LRFN2: variants seen among roughly 807,000 people sequenced by gnomAD.
LRFN2 encodes the protein leucine-rich repeat and fibronectin type-III domain-containing protein 2.
In LRFN2, 18 loss-of-function variants were observed where a neutral mutation model predicts 37.3. That is an observed-to-expected ratio of 0.48 (90% CI 0.33 to 0.72). LRFN2 has a LOEUF of 0.72. LRFN2 is among the 30% of genes least tolerant of loss of function. The probability of loss-of-function intolerance (pLI) is 0.02; values close to 1 mark genes in which losing one functional copy is unlikely to be tolerated. For missense variants in LRFN2, 1,006 were observed against 1,060.7 expected, an observed-to-expected ratio of 0.95 and a Z score of 0.72; for synonymous variants, 556 against 466.6, an observed-to-expected ratio of 1.19 and a Z score of -2.47.
intron 1 of LRFN2, among the ~76,000 whole-genome samples, chr6:40,446,522 T>A (rs1420975169): frequency 6.6e-6 from 1 of 152,208 alleles, no homozygotes; most frequent in African/African-American, 2.4e-5. Flanking sequence ...ACAGCTGCTG[T>A]GTGCTGTGTT....
At chr6:40,425,194 C>T (rs1335225253) in intron 2 of LRFN2, among the ~76,000 whole-genome samples, 1 of 152,180 alleles carries the variant, frequency 6.6e-6, no homozygotes, top group African/African-American at 2.4e-5. Flanking sequence ...TAGGGCGCGA[C>T]AGGGGCTGGG....
Position 40,392,585 on chromosome 6 carries a change from G to A in LRFN2, c.1728C>T (p.Tyr576=), listed in dbSNP as rs1233403984. 6 of 1,608,008 alleles carry A rather than the reference G, an allele frequency of 3.7e-6. No individual in the cohort carries two copies. The highest frequency in any genetic ancestry group is 4.2e-6 in the Non-Finnish European group (5 of 1,179,844). Residue 576 remains tyrosine (Y), a synonymous_variant, in exon 3 of 3, where the codon TAC becomes TAT. Coordinates refer to ENST00000338305, the MANE Select transcript of LRFN2 (RefSeq NM_020737.3). The surrounding 1 kb of genome is among the most constrained non-coding windows in gnomAD (Gnocchi z 4.7). ...GTGGCTGGGCGCCGTTGGTCTGCGA[G>A]TACACATTGCTCACGGCCGCTGCCA... ...SKMAAAVSNV[Y]SQTNGAQPPP... is the part of the protein sequence containing the mutation.
In LRFN2 at chr6:40,495,725, T is replaced by G. The variant is rs183243010; in HGVS notation, c.-18-62594A>C. On this transcript the variant is annotated intron_variant, in intron 1 of 2. Coordinates refer to ENST00000338305, the MANE Select transcript of LRFN2 (RefSeq NM_020737.3). ...TGGGTTGTTCCTTTCCAGCCTCCTTTGCCAGCTCCCAGGCCTCTCATTGTC... is the reference window on the plus strand; with the variant it reads ...TGGGTTGTTCCTTTCCAGCCTCCTTGGCCAGCTCCCAGGCCTCTCATTGTC... Among the ~76,000 whole-genome samples, 152 of 152,294 alleles carry G rather than the reference T, an allele frequency of 1.0e-3. 1 individual carries two copies. Among genetic ancestry groups the G allele is most frequent in the African/African-American group, 3.4e-3 (140 of 41,560 alleles).
chr6:40,534,242 AC>A (rs1349897831), intron 1 of LRFN2, among the ~76,000 whole-genome samples: 1 of 152,122 alleles, frequency 6.6e-6, no homozygotes, highest in East Asian at 1.9e-4. Context: ...CCATCCTCTC[AC>A]TGTGAGATGG....
chr6:40,522,849 T>C (rs2113902207), intron 1 of LRFN2, among the ~76,000 whole-genome samples: 1 of 152,360 alleles, frequency 6.6e-6, no homozygotes, highest in Admixed American at 6.5e-5. Context: ...CCTGAGCCTG[T>C]GTCATGTTTG....
In LRFN2 at chr6:40,435,072, G is replaced by C. The variant is rs1234711493; in HGVS notation, c.-18-1941C>G. Among the ~76,000 whole-genome samples the C allele has an allele frequency of 2.4e-4, 33 of 137,914 alleles. No homozygotes were observed. The East Asian group carries it at 2.4e-3, about 10-fold the overall frequency. 90.5% of individuals were successfully genotyped at this position (137,914 alleles called of 152,430 possible). On this transcript the variant is annotated intron_variant, in intron 1 of 2. Coordinates refer to ENST00000338305, the MANE Select transcript of LRFN2 (RefSeq NM_020737.3). Reference sequence around the variant, plus strand: ...ATATATAGAGAGAGAGAGAGAGAGAGAGAGAGAGAGAGAGAGAGACAGAGA... The same window carrying C: ...ATATATAGAGAGAGAGAGAGAGAGACAGAGAGAGAGAGAGAGAGACAGAGA...
At chr6:40,416,367 T>C (rs1763092192) in intron 2 of LRFN2, among the ~76,000 whole-genome samples, 1 of 131,384 alleles carries the variant, frequency 7.6e-6, no homozygotes, top group Non-Finnish European at 1.5e-5. Context: ...TTCTTGTTTC[T>C]GGCAATTTAT....
chr6:40,541,798 G>C (rs1766559925), intron 1 of LRFN2, among the ~76,000 whole-genome samples: 1 of 152,212 alleles, frequency 6.6e-6, no homozygotes. Flanking sequence ...GCCTCTGCCA[G>C]GGCAGCCACA....
chr6:40,447,615 C>G (rs1451477799), intron 1 of LRFN2, among the ~76,000 whole-genome samples: 1 of 152,236 alleles, frequency 6.6e-6, no homozygotes, highest in East Asian at 1.9e-4. Flanking sequence ...ATATCATCAT[C>G]ATCATCATCA....
At chr6:40,494,133 TTTGAAGTAGTTA>T (rs1406883672) in intron 1 of LRFN2, among the ~76,000 whole-genome samples, 2 of 152,178 alleles carry the variant, frequency 1.3e-5, no homozygotes, top group East Asian at 3.9e-4. Flanking sequence ...GGAAAGCAGG[TTTGAAGTAGTTA>T]TGGATCTCAG....
chr6:40,503,976 G>T (rs1416043181), intron 1 of LRFN2, among the ~76,000 whole-genome samples: 1 of 151,626 alleles, frequency 6.6e-6, no homozygotes, highest in Non-Finnish European at 1.5e-5. Context: ...AAAAAAAGAG[G>T]CAATTCTAAG....
chr6:40,556,078 G>A (rs1485923435), intron 1 of LRFN2, among the ~76,000 whole-genome samples: 1 of 152,136 alleles, frequency 6.6e-6, no homozygotes, highest in Non-Finnish European at 1.5e-5. Flanking sequence ...CTCCTCAAAT[G>A]CCACCCACCC....
chr6:40,579,974 T>A (rs1767366065), intron 1 of LRFN2, among the ~76,000 whole-genome samples: 1 of 152,116 alleles, frequency 6.6e-6, no homozygotes, highest in African/African-American at 2.4e-5. Context: ...GCCTTAAAGT[T>A]TGAAGGAAGT....
Position 40,477,790 on chromosome 6 carries a change from A to G in LRFN2, c.-18-44659T>C, listed in dbSNP as rs550656590. ...CTGCTCCTTCCAGAGTGTTTTGCTG[A>G]AAGAGCTGCAGGCAAAGCTCTTTAG... On this transcript the variant is annotated intron_variant, in intron 1 of 2. Coordinates refer to ENST00000338305, the MANE Select transcript of LRFN2 (RefSeq NM_020737.3). 7.2e-5 allele frequency among the ~76,000 whole-genome samples: 11 copies of G among 152,290 alleles called. No individual in the cohort carries two copies. In the South Asian group the frequency reaches 2.1e-3, roughly 29 times the overall value.
At chr6:40,554,072 C>T (rs530375139) in intron 1 of LRFN2, among the ~76,000 whole-genome samples, 7 of 152,200 alleles carry the variant, frequency 4.6e-5, no homozygotes, top group African/African-American at 9.6e-5. Context: ...CATCTACCTA[C>T]GACCCTCCAT....
At chr6:40,398,047 C>A (rs528040105) in intron 2 of LRFN2, among the ~76,000 whole-genome samples, 58 of 152,074 alleles carry the variant, frequency 3.8e-4, no homozygotes, top group African/African-American at 1.3e-3. Context: ...TGGGGAAAAT[C>A]GAAGCTGCTC....
At chr6:40,584,205 C>A (rs1256932159) in intron 1 of LRFN2, among the ~76,000 whole-genome samples, 1 of 152,170 alleles carries the variant, frequency 6.6e-6, no homozygotes, top group African/African-American at 2.4e-5. Flanking sequence ...ACTCTCTCTC[C>A]CTTCCAACCC....
At chr6:40,518,772 A>ACT (rs1048777887) in intron 1 of LRFN2, among the ~76,000 whole-genome samples, 63 of 152,206 alleles carry the variant, frequency 4.1e-4, no homozygotes, top group African/African-American at 1.3e-3. Flanking sequence ...ATGAAAATGA[A>ACT]CAGGACATGG....
intron 1 of LRFN2, among the ~76,000 whole-genome samples, chr6:40,447,207 T>C (rs868799142): frequency 1.3e-5 from 2 of 152,212 alleles, no homozygotes; most frequent in South Asian, 4.1e-4. Flanking sequence ...CCAAGAAAAG[T>C]ATTTCTACTT....
Sources: gnomAD v4.1 joint callset for allele counts (sites outside exome capture counted in the v4.1 genomes callset) on GRCh38, gnomAD v4.1.1 for gene constraint, Gnocchi (gnomAD v3.1) non-coding constraint, MANE v1.5 for transcripts, NCBI Gene and HGNC (gene_info 2026-07-23, HGNC 2026-07-21) for gene names.